SGCZ: variants seen among roughly 807,000 people sequenced by gnomAD.
The protein encoded by SGCZ is zeta-sarcoglycan.
A neutral mutation model predicts 41.3 loss-of-function variants in SGCZ; 40 were observed. The ratio of observed to expected loss-of-function variants is 0.97; its 90% CI spans 0.75 to 1.26. SGCZ has a LOEUF of 1.26. SGCZ is among the 50% of genes most tolerant of loss of function. SGCZ has a pLI of 0.00. For synonymous variants in SGCZ, 206 were observed against 137.5 expected (o/e 1.50, Z -3.49); for missense variants, 552 against 369.8 (o/e 1.49, Z -4.04).
chr8:15,237,177 A>G (rs1292255572), intron 1 of SGCZ, among the ~76,000 whole-genome samples: 1 of 152,080 alleles, frequency 6.6e-6, no homozygotes, highest in Non-Finnish European at 1.5e-5. Context: ...AGCCGGGAAG[A>G]GGAGGCAAAG....
chr8:14,959,663 C>T (rs1351674144), intron 1 of SGCZ, among the ~76,000 whole-genome samples: 1 of 152,064 alleles, frequency 6.6e-6, no homozygotes, highest in Non-Finnish European at 1.5e-5. Context: ...CACACATATT[C>T]CAGAGAAAAA....
At chr8:15,189,791 TCTGA>T (rs1484763192) in intron 1 of SGCZ, among the ~76,000 whole-genome samples, 1 of 152,112 alleles carries the variant, frequency 6.6e-6, no homozygotes, top group Non-Finnish European at 1.5e-5. Flanking sequence ...CCTCAGGCAA[TCTGA>T]CTGCCTTCGT....
At chr8:15,124,773 G>T (rs377083286) in intron 1 of SGCZ, among the ~76,000 whole-genome samples, 1 of 152,134 alleles carries the variant, frequency 6.6e-6, no homozygotes, top group East Asian at 1.9e-4. Context: ...ATCAAACAAC[G>T]TGATTGCATT....
rs530896287 is a variant in SGCZ, at chr8:14,828,699, G to A, written c.40-273773C>T. On this transcript the variant is annotated intron_variant, in intron 1 of 7. Coordinates refer to ENST00000382080, the MANE Select transcript of SGCZ (RefSeq NM_139167.4). ...GCAGCAGTTGTTTGGGATGCTCAAG[G>A]CATTTTGCTTCTTGACTTTCAGGAG... Among the ~76,000 whole-genome samples, 3 of 152,146 alleles carry A rather than the reference G, an allele frequency of 2.0e-5. No homozygotes were observed. The South Asian group carries it at 6.2e-4, about 32-fold the overall frequency.
chr8:15,229,845 G>A lies in SGCZ; in HGVS notation c.39+7740C>T, dbSNP rs551191769. On this transcript the variant is annotated intron_variant, in intron 1 of 7. Coordinates refer to ENST00000382080, the MANE Select transcript of SGCZ (RefSeq NM_139167.4). ...TACCCAAGAATGGAAAGAATCAAAG[G>A]GTCTTTTATCTTAGGTAGATAACAT... Among the ~76,000 whole-genome samples the A allele has an allele frequency of 2.9e-4, 44 of 152,192 alleles. No homozygotes were observed. The South Asian group carries it at 7.1e-3, about 24-fold the overall frequency.
chr8:14,691,877 T>C (rs7009785), intron 1 of SGCZ, among the ~76,000 whole-genome samples: 59,858 of 151,850 alleles, frequency 0.39, 14,149 homozygotes, highest in Non-Finnish European at 0.54. Context: ...ATAACTGTTT[T>C]GTGAGAAAAT....
intron 2 of SGCZ, among the ~76,000 whole-genome samples, chr8:14,468,282 T>C (rs1437808129): frequency 6.6e-6 from 1 of 152,096 alleles, no homozygotes; most frequent in African/African-American, 2.4e-5. Flanking sequence ...CACTAGATCC[T>C]TCAAATAAAT....
intron 1 of SGCZ, among the ~76,000 whole-genome samples, chr8:15,190,063 T>C (rs1439217011): frequency 1.3e-5 from 2 of 152,124 alleles, no homozygotes; most frequent in Admixed American, 1.3e-4. Flanking sequence ...TACCTGATTT[T>C]CTCACCCAAT....
At chr8:14,321,659 A>G (rs1801922289) in intron 3 of SGCZ, among the ~76,000 whole-genome samples, 1 of 152,118 alleles carries the variant, frequency 6.6e-6, no homozygotes, top group African/African-American at 2.4e-5. Context: ...CAGAAATCAA[A>G]ATTATTCTAC....
intron 1 of SGCZ, among the ~76,000 whole-genome samples, chr8:14,616,672 GTA>G (rs1294954077): frequency 6.6e-6 from 1 of 152,068 alleles, no homozygotes; most frequent in Non-Finnish European, 1.5e-5. Context: ...GGAAAATTGA[GTA>G]TGTTAGTCAA....
chr8:14,537,297 T>A (rs1264800831), intron 2 of SGCZ, among the ~76,000 whole-genome samples: 2 of 151,594 alleles, frequency 1.3e-5, no homozygotes, highest in East Asian at 3.9e-4. Flanking sequence ...GGGTGGGGGG[T>A]CGTCTAGTGC....
chr8:15,187,030 C>T (rs998055791), intron 1 of SGCZ, among the ~76,000 whole-genome samples: 1 of 152,084 alleles, frequency 6.6e-6, no homozygotes, highest in Non-Finnish European at 1.5e-5. Flanking sequence ...AGCATTACGT[C>T]CAATGATTTC....
At chr8:14,905,296 C>G (rs573328500) in intron 1 of SGCZ, among the ~76,000 whole-genome samples, 2 of 151,540 alleles carry the variant, frequency 1.3e-5, no homozygotes, top group Non-Finnish European at 2.9e-5. Flanking sequence ...AAGGAAAAAC[C>G]GATTAAAAAG....
intron 1 of SGCZ, among the ~76,000 whole-genome samples, chr8:15,094,418 A>C (rs1806260589): frequency 6.6e-6 from 1 of 152,186 alleles, no homozygotes; most frequent in South Asian, 2.1e-4. Flanking sequence ...TACAGGCATG[A>C]GCCACTTTGC....
In SGCZ at chr8:15,225,026, G is replaced by A. The variant is rs186633557; in HGVS notation, c.39+12559C>T. 2.0e-3 allele frequency among the ~76,000 whole-genome samples: 304 copies of A among 152,182 alleles called. 2 individuals carry two copies. The highest frequency in any genetic ancestry group is 7.0e-3 in the African/African-American group (290 of 41,532). On this transcript the variant is annotated intron_variant, in intron 1 of 7. Coordinates refer to ENST00000382080, the MANE Select transcript of SGCZ (RefSeq NM_139167.4). ...AATTTTAACATATCTCTAATTTGTAGTTTAAACAAACAAAATAGAAAGATT... is the reference window on the plus strand; with the variant it reads ...AATTTTAACATATCTCTAATTTGTAATTTAAACAAACAAAATAGAAAGATT...
At position 14,545,602 on chromosome 8, in the gene SGCZ, G is replaced by A. The variant is rs534640160; in HGVS notation, c.234+9130C>T. Among the ~76,000 whole-genome samples, 3 of 152,150 alleles carry A rather than the reference G, an allele frequency of 2.0e-5. No individual in the cohort carries two copies. The East Asian group carries it at 5.8e-4, about 29-fold the overall frequency. ...GGAGATGACACACATATTTCATAAAGTTCAATGTGTTTAATCTACTTTATG... is the reference window on the plus strand; with the variant it reads ...GGAGATGACACACATATTTCATAAAATTCAATGTGTTTAATCTACTTTATG... On this transcript the variant is annotated intron_variant, in intron 2 of 7. Coordinates refer to ENST00000382080, the MANE Select transcript of SGCZ (RefSeq NM_139167.4).
intron 1 of SGCZ, among the ~76,000 whole-genome samples, chr8:15,150,021 G>C (rs1344491584): frequency 6.6e-6 from 1 of 152,086 alleles, no homozygotes; most frequent in Non-Finnish European, 1.5e-5. Context: ...GTCTGCAAAG[G>C]AAAAAAGCAA....
At chr8:14,402,685 A>G (rs182011192) in intron 2 of SGCZ, among the ~76,000 whole-genome samples, 4,730 of 144,206 alleles carry the variant, frequency 0.033, 430 homozygotes, top group African/African-American at 0.13. Context: ...TGTTTTGGTT[A>G]CTATAGCCTT....
At chr8:14,625,888 G>C (rs1184394271) in intron 1 of SGCZ, among the ~76,000 whole-genome samples, 1 of 152,158 alleles carries the variant, frequency 6.6e-6, no homozygotes, top group Non-Finnish European at 1.5e-5. Context: ...AAGGTCAAAT[G>C]AGAATTCATG....
Sources: allele counts gnomAD v4.1 joint callset (sites outside exome capture counted in the v4.1 genomes callset), GRCh38; gene constraint gnomAD v4.1.1; transcripts MANE v1.5; gene names NCBI Gene and HGNC (gene_info 2026-07-23, HGNC 2026-07-21).